The following P2RX4 variants were observed in gnomAD, a reference collection of about 807,000 sequenced individuals.
P2RX4 encodes P2X purinoceptor 4.
A neutral mutation model predicts 48.0 loss-of-function variants in P2RX4; 37 were observed. The observed-to-expected ratio is 0.77, with a 90% confidence interval of 0.59 to 1.01. P2RX4 has a LOEUF of 1.01. Ranked by LOEUF, P2RX4 falls within the 50% of genes least tolerant of loss-of-function variation. The pLI is 0.00. For synonymous variants in P2RX4, 200 were observed against 199.7 expected (o/e 1.00, Z -0.01); for missense variants, 501 against 521.4 (o/e 0.96, Z 0.38).
rs769538385 is a variant in P2RX4 at position 121,210,210 on chromosome 12, G to C, written c.46G>C (p.Asp16His). The C allele has an allele frequency of 8.4e-6, 13 of 1,554,544 alleles. No homozygotes were observed. The Admixed American group carries it at 1.3e-4, about 16-fold the overall frequency. Residue 16 changes from aspartate (D) to histidine (H), a missense_variant, in exon 1 of 12, where the codon GAC (aspartate) becomes CAC (histidine). Asp to His is a moderately conservative substitution (Grantham distance 81, BLOSUM62 -1). Transcript: ENST00000337233. Reference protein sequence around the residue: ...AALAAFLFEYDTPRIVLIRSR... With the variant: ...AALAAFLFEYHTPRIVLIRSR... ...GCTGGCGGCCTTCCTGTTCGAGTAC[G>C]ACACGCCGCGCATCGTGCTCATCCG...
chr12:121,219,657 A>G (rs1358468999), intron 2 of P2RX4, among the ~76,000 whole-genome samples: 1 of 146,268 alleles, frequency 6.8e-6, no homozygotes, highest in African/African-American at 2.5e-5. Context: ...AGATAGATAG[A>G]TGGAAAGAAA....
intron 2 of P2RX4, among the ~76,000 whole-genome samples, chr12:121,221,023 T>A (rs1011180537): frequency 5.9e-5 from 9 of 152,138 alleles, no homozygotes; most frequent in African/African-American, 2.2e-4. Context: ...CAGGCTGGAG[T>A]GCACTGGCGT....
intron 5 of P2RX4, among the ~76,000 whole-genome samples, chr12:121,225,734 GAA>G (rs1392282828): frequency 6.6e-6 from 1 of 152,082 alleles, no homozygotes. Flanking sequence ...ATGAAAAAAA[GAA>G]TGTATAATAT....
intron 5 of P2RX4, among the ~76,000 whole-genome samples, chr12:121,227,033 T>C (rs552701742): frequency 7.9e-5 from 12 of 151,718 alleles, no homozygotes; most frequent in African/African-American, 2.9e-4. Context: ...GAGAATCACT[T>C]GAACCCAGAG....
At chr12:121,221,428 G>A (rs1281570488) in intron 2 of P2RX4, among the ~76,000 whole-genome samples, 2 of 131,716 alleles carry the variant, frequency 1.5e-5, no homozygotes, top group African/African-American at 2.9e-5. Flanking sequence ...ACAGAGTCTC[G>A]TGTCATCCAG....
intron 1 of P2RX4, chr12:121,214,305 C>G (rs1457649451): frequency 6.6e-6 from 1 of 152,012 alleles, no homozygotes; most frequent in Non-Finnish European, 1.5e-5. Flanking sequence ...ATCTTTAAAG[C>G]AGTAAATGCT....
rs912055048 is a variant in P2RX4, at chr12:121,232,159, G to C, written c.885-255G>C. Among the ~76,000 whole-genome samples, 2 of 152,146 alleles carry C rather than the reference G, an allele frequency of 1.3e-5. No homozygotes were observed. Among genetic ancestry groups the C allele is most frequent in the Non-Finnish European group, 2.9e-5 (2 of 68,026 alleles). On this transcript the variant is annotated intron_variant, in intron 8 of 11. Coordinates refer to ENST00000337233, the MANE Select transcript of P2RX4 (RefSeq NM_002560.3). The surrounding 1 kb of genome is among the most constrained non-coding windows in gnomAD (Gnocchi z 4.3). ...CAGGATGTACCAGGTGGGATGTTGA[G>C]AGCAAACTGTTCAGGTTCAGGAGAG...
In P2RX4 at chr12:121,210,164, C is replaced by T. The variant is rs1885709233; in HGVS notation, c.-1C>T. ...GGGGACTGGGAGCGGGCGGCGCGGC[C>T]ATGGCGGGCTGCTGCGCCGCGCTGG... is the stretch of plus-strand genomic sequence containing the variant. On this transcript the variant is annotated 5_prime_UTR_variant, in exon 1 of 12. Transcript: ENST00000337233. 6.6e-7 allele frequency: 1 copy of T among 1,516,982 alleles called. No individual in the cohort carries two copies. The highest frequency in any genetic ancestry group is 2.1e-5 in the Admixed American group (1 of 46,550). 94.0% of individuals were successfully genotyped at this position (1,516,982 alleles called of 1,614,324 possible).
chr12:121,219,849 TAGATAGATAGATAGAC>T (rs1480304280), intron 2 of P2RX4, among the ~76,000 whole-genome samples: 1 of 147,324 alleles, frequency 6.8e-6, no homozygotes, highest in African/African-American at 2.7e-5. Context: ...GATAGATAGA[TAGATAGATAGATAGAC>T]AGATAATAGA....
chr12:121,219,550 T>C (rs1886441849), intron 2 of P2RX4, among the ~76,000 whole-genome samples: 1 of 151,390 alleles, frequency 6.6e-6, no homozygotes, highest in Non-Finnish European at 1.5e-5. Context: ...GGCAATATAG[T>C]GAGACCCCAT....
intron 8 of P2RX4, among the ~76,000 whole-genome samples, chr12:121,230,291 G>A (rs993505912): frequency 2.0e-5 from 3 of 152,248 alleles, no homozygotes; most frequent in African/African-American, 7.2e-5. Flanking sequence ...GCTGAGGCAG[G>A]AGAATCGCTT....
At chr12:121,222,922 C>G (rs781192115) in intron 4 of P2RX4, 25 bp from the exon 5 acceptor site, 2 of 1,557,374 alleles carry the variant, frequency 1.3e-6, no homozygotes, top group African/African-American at 1.4e-5. Flanking sequence ...GACATGGGAC[C>G]CCCCTGCCAC....
Position 121,233,802 on chromosome 12 carries a change from G to A in P2RX4, c.*253G>A. 1.2e-6 allele frequency: 1 copy of A among 806,448 alleles called. No individual in the cohort carries two copies. The highest frequency in any genetic ancestry group is 1.9e-6 in the Non-Finnish European group (1 of 531,886). 50.0% of individuals were successfully genotyped at this position (806,448 alleles called of 1,614,324 possible). A position where few individuals can be genotyped will look rare whatever the true frequency, so the allele number is the denominator to read the frequency against. Reference sequence around the variant, plus strand: ...TTCCCGCAACCTGGGGTTGTCGGGGGAGCGCTGGCCCGACGCAGTGGCACT... The same window carrying A: ...TTCCCGCAACCTGGGGTTGTCGGGGAAGCGCTGGCCCGACGCAGTGGCACT... On this transcript the variant is annotated 3_prime_UTR_variant, in exon 12 of 12. Transcript: ENST00000337233.
chr12:121,210,585 A>G (rs890757864), intron 1 of P2RX4, among the ~76,000 whole-genome samples: 1 of 152,132 alleles, frequency 6.6e-6, no homozygotes, highest in Non-Finnish European at 1.5e-5. Context: ...TTCGAAACCA[A>G]TTTGGGCAAC....
At position 121,232,929 on chromosome 12, in the gene P2RX4, C is replaced by T. The variant is rs572003075; in HGVS notation, c.1045-68C>T. 7.2e-4 allele frequency: 796 copies of T among 1,112,284 alleles called. 9 individuals are homozygous for T. In the South Asian group the frequency reaches 8.8e-3, roughly 12 times the overall value. 68.9% of individuals were successfully genotyped at this position (1,112,284 alleles called of 1,614,324 possible). On this transcript the variant is annotated intron_variant, in intron 10 of 11. Coordinates refer to ENST00000337233, the MANE Select transcript of P2RX4 (RefSeq NM_002560.3). The surrounding 1 kb of genome is among the most constrained non-coding windows in gnomAD (Gnocchi z 4.3). ...ATTCCAGGCTTCTCAGGAAGGGGCA[C>T]GCAAAGAATAAGATGGGTTGATGGG...
At chr12:121,211,011 A>G (rs936897568) in intron 1 of P2RX4, among the ~76,000 whole-genome samples, 1 of 152,096 alleles carries the variant, frequency 6.6e-6, no homozygotes, top group Non-Finnish European at 1.5e-5. Flanking sequence ...ACTATGTGGT[A>G]GTAGCGAGGT....
intron 1 of P2RX4, chr12:121,212,824 A>ATATATATATATATAT (rs370835501): frequency 1.5e-4 from 5 of 32,264 alleles, no homozygotes; most frequent in Non-Finnish European, 2.4e-4. Flanking sequence ...ATATATATAT[A>ATATATATATATATAT]TTTTTTTTTT....
At position 121,231,789 on chromosome 12, in the gene P2RX4, A is replaced by C. The variant is rs932142351; in HGVS notation, c.885-625A>C. Among the ~76,000 whole-genome samples, 4 of 152,230 alleles carry C rather than the reference A, an allele frequency of 2.6e-5. No individual in the cohort carries two copies. In the South Asian group the frequency reaches 6.2e-4, roughly 24 times the overall value. Reference sequence around the variant, plus strand: ...AAAATAAATAAATTTAAAAAGCCCTAGGTCAAGAGATTGAGACCATCATGG... The same window carrying C: ...AAAATAAATAAATTTAAAAAGCCCTCGGTCAAGAGATTGAGACCATCATGG... On this transcript the variant is annotated intron_variant, in intron 8 of 11. Coordinates refer to ENST00000337233, the MANE Select transcript of P2RX4 (RefSeq NM_002560.3).
At chr12:121,230,993 T>TTTTC (rs1555238308) in intron 8 of P2RX4, among the ~76,000 whole-genome samples, 21 of 147,932 alleles carry the variant, frequency 1.4e-4, no homozygotes, top group Middle Eastern at 3.5e-3. Flanking sequence ...TTTTTTTTTT[T>TTTTC]TTCTTCTTTT....
Sources: gnomAD v4.1 joint callset for allele counts (sites outside exome capture counted in the v4.1 genomes callset) on GRCh38, gnomAD v4.1.1 for gene constraint, Gnocchi (gnomAD v3.1) non-coding constraint, MANE v1.5 for transcripts, NCBI Gene and HGNC (gene_info 2026-07-23, HGNC 2026-07-21) for gene names.